Variants in SOX6 observed in about 807,000 individuals in gnomAD.
SOX6 encodes the protein SRY-box transcription factor 6.
Under a neutral mutation model 97.8 loss-of-function variants are expected in SOX6, and 11 were observed. The observed-to-expected ratio is 0.11, with a 90% CI of 0.07 to 0.19. The LOEUF is 0.19. Ranked by LOEUF, SOX6 falls within the 10% of genes least tolerant of loss-of-function variation. The pLI, the probability that SOX6 is intolerant of heterozygous loss-of-function variation, is 1.00. For missense variants in SOX6, 810 were observed against 1,039.5 expected (o/e 0.78, Z 3.04); for synonymous variants, 360 against 371.4 (o/e 0.97, Z 0.35).
chr11:16,584,071 T>C (rs1479809479), intron 4 of SOX6, among the ~76,000 whole-genome samples: 1 of 152,182 alleles, frequency 6.6e-6, no homozygotes, highest in Non-Finnish European at 1.5e-5. Flanking sequence ...TCATTCTAAG[T>C]ACCTATTAGG....
intron 4 of SOX6, among the ~76,000 whole-genome samples, chr11:16,525,024 A>G (rs550250960): frequency 6.6e-6 from 1 of 152,232 alleles, no homozygotes; most frequent in South Asian, 2.1e-4. Flanking sequence ...CATGGGTAGG[A>G]AGACTCAATA....
At chr11:16,010,471 C>A (rs1854685303) in intron 13 of SOX6, among the ~76,000 whole-genome samples, 1 of 151,902 alleles carries the variant, frequency 6.6e-6, no homozygotes, top group Admixed American at 6.6e-5. Flanking sequence ...GAGGTACAAC[C>A]TCCCAAAAAG....
At chr11:16,261,648 T>A (rs376820988) in intron 3 of SOX6, among the ~76,000 whole-genome samples, 3 of 149,908 alleles carry the variant, frequency 2.0e-5, no homozygotes, top group South Asian at 2.1e-4. Flanking sequence ...AAAAAAAAAA[T>A]GACCTACAAA....
intron 2 of SOX6, among the ~76,000 whole-genome samples, chr11:16,724,856 A>C: frequency 6.6e-6 from 1 of 152,254 alleles, no homozygotes; most frequent in African/African-American, 2.4e-5. Context: ...ATAATAAAAA[A>C]GATGACAAAT....
intron 3 of SOX6, among the ~76,000 whole-genome samples, chr11:16,245,564 T>C (rs1325588007): frequency 6.6e-6 from 1 of 151,736 alleles, no homozygotes; most frequent in Non-Finnish European, 1.5e-5. Context: ...CTGTGTCTTT[T>C]TCTTCTTTTA....
chr11:16,626,547 T>A (rs1454409221), intron 3 of SOX6, among the ~76,000 whole-genome samples: 1 of 152,200 alleles, frequency 6.6e-6, no homozygotes, highest in Admixed American at 6.5e-5. Flanking sequence ...CATATAAATT[T>A]TAGAATCAGC....
intron 6 of SOX6, among the ~76,000 whole-genome samples, chr11:16,182,818 C>T (rs1007772002): frequency 1.3e-5 from 2 of 151,694 alleles, no homozygotes; most frequent in Non-Finnish European, 2.9e-5. Context: ...GTATGATTAA[C>T]AAAATGAAGC....
chr11:16,683,189 C>A (rs879556752), intron 3 of SOX6, among the ~76,000 whole-genome samples: 9 of 152,176 alleles, frequency 5.9e-5, no homozygotes, highest in Non-Finnish European at 1.2e-4. Flanking sequence ...AATGCTATCC[C>A]CATCAAGCTA....
rs574652650 is a variant in SOX6, at chr11:16,361,556, C to A, written c.-4-20304G>T. 3.9e-5 allele frequency among the ~76,000 whole-genome samples: 6 copies of A among 152,286 alleles called. No individual in the cohort carries two copies. In the East Asian group the frequency reaches 1.2e-3, roughly 29 times the overall value. On this transcript the variant is annotated intron_variant, in intron 1 of 15. Coordinates refer to the SOX6 transcript ENST00000396356. Reference sequence around the variant, plus strand: ...GCATAATTTTCTGTGATTTATGAAGCATCCATGCCAACTTCCACTCAATAC... The same window carrying A: ...GCATAATTTTCTGTGATTTATGAAGAATCCATGCCAACTTCCACTCAATAC...
chr11:16,680,309 T>C (rs1263514226), intron 3 of SOX6, among the ~76,000 whole-genome samples: 1 of 152,198 alleles, frequency 6.6e-6, no homozygotes, highest in African/African-American at 2.4e-5. Flanking sequence ...ATATTCAACA[T>C]TCTTAAAGAA....
chr11:16,606,393 C>T (rs2133980174), intron 4 of SOX6, among the ~76,000 whole-genome samples: 1 of 152,252 alleles, frequency 6.6e-6, no homozygotes, highest in South Asian at 2.1e-4. Flanking sequence ...CTCTTGTGGG[C>T]ACGGAGGGCA....
chr11:16,096,069 C>A lies in SOX6; in HGVS notation c.1028G>T (p.Ser343Ile), dbSNP rs148423045. Residue 343 changes from serine (S) to isoleucine (I), a missense_variant, in exon 9 of 16, where the codon AGT (serine) becomes ATT (isoleucine). Coordinates refer to ENST00000683767, the MANE Select transcript of SOX6 (RefSeq NM_001367873.1). ...PQINQRLKGL[S>I]DRFGRNLDTF... Reference sequence around the variant, plus strand: ...GTCCAAATTCCTGCCAAAACGGTCACTTAGGCCCTTTAGCCTTTGGTTAAT... The same window carrying A: ...GTCCAAATTCCTGCCAAAACGGTCAATTAGGCCCTTTAGCCTTTGGTTAAT... 50 of 1,611,330 alleles carry A rather than the reference C, an allele frequency of 3.1e-5. No homozygotes were observed. The highest frequency in any genetic ancestry group is 3.8e-5 in the Non-Finnish European group (45 of 1,178,548).
intron 6 of SOX6, among the ~76,000 whole-genome samples, chr11:16,131,574 A>G (rs190132950): frequency 2.6e-5 from 4 of 152,202 alleles, no homozygotes; most frequent in Admixed American, 6.5e-5. Context: ...ATAAAGCCCT[A>G]CAATTAATCC....
At chr11:16,129,485 T>G (rs1849687613) in intron 6 of SOX6, among the ~76,000 whole-genome samples, 1 of 152,144 alleles carries the variant, frequency 6.6e-6, no homozygotes, top group Non-Finnish European at 1.5e-5. Flanking sequence ...AAAGATAGCT[T>G]TTAACAAAAT....
intron 2 of SOX6, among the ~76,000 whole-genome samples, chr11:16,727,795 C>G (rs1848318686): frequency 6.6e-6 from 1 of 152,052 alleles, no homozygotes; most frequent in African/African-American, 2.4e-5. Flanking sequence ...AAATTTTATT[C>G]AAATTCTCTT....
At chr11:16,368,106 C>T (rs961673683) in intron 1 of SOX6, among the ~76,000 whole-genome samples, 1 of 151,996 alleles carries the variant, frequency 6.6e-6, no homozygotes, top group Non-Finnish European at 1.5e-5. Flanking sequence ...GTCTATTGGC[C>T]ACGAAATAAT....
chr11:16,689,571 C>T (rs775667043), intron 3 of SOX6, among the ~76,000 whole-genome samples: 1 of 152,166 alleles, frequency 6.6e-6, no homozygotes, highest in Admixed American at 6.5e-5. Context: ...AGCAAAAGAA[C>T]CAGACACTAA....
At chr11:16,158,249 G>T (rs1850652741) in intron 6 of SOX6, among the ~76,000 whole-genome samples, 1 of 151,734 alleles carries the variant, frequency 6.6e-6, no homozygotes, top group African/African-American at 2.4e-5. Flanking sequence ...TCCCCCCTTA[G>T]TTCCTTCCAA....
intron 2 of SOX6, among the ~76,000 whole-genome samples, chr11:16,733,930 G>A (rs1034922084): frequency 6.6e-6 from 1 of 151,350 alleles, no homozygotes; most frequent in Non-Finnish European, 1.5e-5. Flanking sequence ...AGGAGGCTGA[G>A]GCAGGAGAAT....
Sources: gnomAD v4.1 joint callset for allele counts (sites outside exome capture counted in the v4.1 genomes callset) on GRCh38, gnomAD v4.1.1 for gene constraint, MANE v1.5 for transcripts, NCBI Gene and HGNC (gene_info 2026-07-23, HGNC 2026-07-21) for gene names.